Variants in FGGY observed in about 807,000 individuals in gnomAD.
FGGY encodes FGGY carbohydrate kinase domain containing.
Under a neutral mutation model 71.3 loss-of-function variants are expected in FGGY, and 72 were observed. The observed-to-expected ratio is 1.01, with a 90% confidence interval of 0.84 to 1.23. FGGY has a LOEUF of 1.23. Ranked by LOEUF, FGGY falls within the 50% of genes most tolerant of loss-of-function variation. FGGY has a pLI of 0.00. For missense variants in FGGY, 668 were observed against 682.3 expected, an observed-to-expected ratio of 0.98 and a Z score of 0.23; for synonymous variants, 251 against 250.3, an observed-to-expected ratio of 1.00 and a Z score of -0.02.
intron 14 of FGGY, among the ~76,000 whole-genome samples, chr1:59,736,978 C>T (rs1320215624): frequency 6.6e-6 from 1 of 152,206 alleles, no homozygotes; most frequent in Non-Finnish European, 1.5e-5. Flanking sequence ...CTGCTGTGTG[C>T]AGCCTCAAGA....
At chr1:59,706,341 C>G (rs1234568542) in intron 14 of FGGY, among the ~76,000 whole-genome samples, 1 of 152,188 alleles carries the variant, frequency 6.6e-6, no homozygotes, top group African/African-American at 2.4e-5. Context: ...CTTAATTACT[C>G]TCTGCCTCTG....
chr1:59,735,030 A>G (rs1227742441), intron 14 of FGGY, among the ~76,000 whole-genome samples: 3 of 152,244 alleles, frequency 2.0e-5, no homozygotes, highest in Non-Finnish European at 4.4e-5. Flanking sequence ...GGTCATATCC[A>G]AAAACCTTAA....
chr1:59,394,366 C>T (rs2061065158), intron 5 of FGGY, among the ~76,000 whole-genome samples: 1 of 152,154 alleles, frequency 6.6e-6, no homozygotes, highest in African/African-American at 2.4e-5. Flanking sequence ...AATCCGAGAG[C>T]ATCCTTCATG....
intron 14 of FGGY, among the ~76,000 whole-genome samples, chr1:59,744,757 C>T (rs2098181027): frequency 6.6e-6 from 1 of 152,200 alleles, no homozygotes; most frequent in African/African-American, 2.4e-5. Flanking sequence ...ATTCTTTCAA[C>T]ATGTATTTAT....
intron 7 of FGGY, among the ~76,000 whole-genome samples, chr1:59,537,857 TAAAG>T (rs1470692739): frequency 6.6e-6 from 1 of 152,174 alleles, no homozygotes; most frequent in Non-Finnish European, 1.5e-5. Context: ...CAAGATGGAT[TAAAG>T]ACTTAAACGT....
chr1:59,630,492 T>C (rs1025773007), intron 10 of FGGY, among the ~76,000 whole-genome samples: 5 of 152,200 alleles, frequency 3.3e-5, no homozygotes, highest in Middle Eastern at 3.2e-3. Flanking sequence ...CAATGACTAC[T>C]AGATTCTTCA....
intron 5 of FGGY, among the ~76,000 whole-genome samples, chr1:59,443,830 G>A (rs1269264315): frequency 1.3e-5 from 2 of 152,156 alleles, no homozygotes; most frequent in Non-Finnish European, 2.9e-5. Flanking sequence ...TTGGGAATAG[G>A]CCTTGGTACC....
chr1:59,406,263 G>A (rs1165443744), intron 5 of FGGY, among the ~76,000 whole-genome samples: 2 of 151,280 alleles, frequency 1.3e-5, no homozygotes, highest in African/African-American at 2.4e-5. Context: ...CTCGTCATGC[G>A]TGTTCCTAGC....
chr1:59,307,299 G>A lies in FGGY; in HGVS notation c.-15+10149G>A, dbSNP rs188426868. Among the ~76,000 whole-genome samples, 5 of 129,100 alleles carry A rather than the reference G, an allele frequency of 3.9e-5. No individual in the cohort carries two copies. In the Admixed American group the frequency reaches 4.2e-4, roughly 11 times the overall value. The allele number at this position is 129,100 out of a possible 152,430, so 84.7% of individuals were successfully genotyped here. On this transcript the variant is annotated intron_variant, in intron 1 of 15. Transcript: ENST00000303721. Reference sequence around the variant, plus strand: ...ACTACACTCCAGCCTGGGTGATAGAGTGAGACCCTGTCTCAAAAAAAAAAA... The same window carrying A: ...ACTACACTCCAGCCTGGGTGATAGAATGAGACCCTGTCTCAAAAAAAAAAA...
At chr1:59,513,498 T>C (rs1570485850) in intron 7 of FGGY, among the ~76,000 whole-genome samples, 1 of 152,238 alleles carries the variant, frequency 6.6e-6, no homozygotes, top group African/African-American at 2.4e-5. Context: ...GCAAGACCCA[T>C]ATCAGATGCT....
At chr1:59,544,571 C>T (rs1318391633) in intron 7 of FGGY, among the ~76,000 whole-genome samples, 2 of 152,174 alleles carry the variant, frequency 1.3e-5, no homozygotes, top group African/African-American at 4.8e-5. Flanking sequence ...CAGATACCTT[C>T]AGCTTAAACT....
chr1:59,492,219 A>C (rs2093888174), intron 6 of FGGY, among the ~76,000 whole-genome samples: 1 of 152,158 alleles, frequency 6.6e-6, no homozygotes, highest in African/African-American at 2.4e-5. Flanking sequence ...CATTTCCTCC[A>C]AATTTCCATT....
intron 14 of FGGY, among the ~76,000 whole-genome samples, chr1:59,692,469 G>A (rs1193811049): frequency 1.3e-5 from 2 of 152,118 alleles, no homozygotes; most frequent in Admixed American, 1.3e-4. Context: ...TGTCAGAGAT[G>A]AATTGAACCA....
At chr1:59,720,288 A>G (rs12141129) in intron 14 of FGGY, among the ~76,000 whole-genome samples, 10,605 of 152,272 alleles carry the variant, frequency 0.07, 608 homozygotes, top group Admixed American at 0.19. Context: ...TTTCGGATTC[A>G]TGCCTTATGC....
rs746827565 is a variant in FGGY at position 59,667,420 on chromosome 1, G to A, written c.1417+17G>A. On this transcript the variant is annotated intron_variant, in intron 13 of 15. Coordinates refer to ENST00000303721, the MANE Select transcript of FGGY (RefSeq NM_018291.5). ...ACATTACTGGTAAGTCTGGGAAAGA[G>A]GAGAGAAGGTCACTTTTTGGCTTGG... 5.0e-6 allele frequency: 8 copies of A among 1,612,246 alleles called. No individual in the cohort carries two copies. Among genetic ancestry groups the A allele is most frequent in the Non-Finnish European group, 5.9e-6 (7 of 1,179,082 alleles).
chr1:59,741,666 C>T (rs1933215), intron 14 of FGGY, among the ~76,000 whole-genome samples: 6,249 of 152,036 alleles, frequency 0.041, 418 homozygotes, highest in African/African-American at 0.14. Context: ...AATTGCCAGG[C>T]GGGCGAGGCG....
At chr1:59,595,307 G>A (rs908807433) in intron 8 of FGGY, among the ~76,000 whole-genome samples, 2 of 130,496 alleles carry the variant, frequency 1.5e-5, no homozygotes, top group African/African-American at 7.0e-5. Flanking sequence ...GCATTCATTT[G>A]TAATGCCTTT....
At chr1:59,463,448 A>G (rs898044711) in intron 6 of FGGY, among the ~76,000 whole-genome samples, 1 of 152,248 alleles carries the variant, frequency 6.6e-6, no homozygotes, top group African/African-American at 2.4e-5. Flanking sequence ...AAGCAACTGC[A>G]TCAACTAACG....
At chr1:59,648,819 T>G (rs2097126638) in intron 11 of FGGY, among the ~76,000 whole-genome samples, 1 of 152,214 alleles carries the variant, frequency 6.6e-6, no homozygotes, top group Non-Finnish European at 1.5e-5. Flanking sequence ...CATGAAGTCC[T>G]TGCCCATGCC....
Sources: allele counts gnomAD v4.1 joint callset (sites outside exome capture counted in the v4.1 genomes callset), GRCh38; gene constraint gnomAD v4.1.1; transcripts MANE v1.5; gene names NCBI Gene and HGNC (gene_info 2026-07-23, HGNC 2026-07-21).